PLPPR5: variants seen among roughly 807,000 people sequenced by gnomAD.
PLPPR5 encodes phospholipid phosphatase-related protein type 5.
In PLPPR5, 16 loss-of-function variants were observed where a neutral mutation model predicts 33.9. That is an observed-to-expected ratio of 0.47 (90% CI 0.32 to 0.72). PLPPR5 has a LOEUF of 0.72. PLPPR5 is among the 30% of genes least tolerant of loss of function. PLPPR5 has a pLI of 0.03. For synonymous variants in PLPPR5, 163 were observed against 150.3 expected (o/e 1.08, Z -0.62); for missense variants, 301 against 406.7 (o/e 0.74, Z 2.23).
Position 98,956,648 on chromosome 1 carries a change from A to T in PLPPR5, c.331T>A (p.Tyr111Asn). ...EKTILTGDCCYINPLVRRTVR... is the reference protein window; with the variant it reads ...EKTILTGDCCNINPLVRRTVR... ...GTTCGGCGCACCAGCGGGTTTATAT[A>T]GCAACAGTCTCCAGTTAAAATAGTT... The change falls in exon 2 of 6, where the codon TAT becomes AAT. Residue 111 changes from tyrosine (Y) to asparagine (N), a missense_variant. Transcript: ENST00000263177. 1 of 1,602,420 alleles carries T rather than the reference A, an allele frequency of 6.2e-7. No homozygotes were observed. The highest frequency in any genetic ancestry group is 8.5e-7 in the Non-Finnish European group (1 of 1,176,028).
At chr1:98,939,911 T>C (rs934621583) in intron 3 of PLPPR5, among the ~76,000 whole-genome samples, 39 of 151,912 alleles carry the variant, frequency 2.6e-4, no homozygotes, top group African/African-American at 8.9e-4. Context: ...CTATTATTTA[T>C]CGTAGAGAAC....
chr1:98,896,018 T>TA (rs1003791824), intron 5 of PLPPR5, among the ~76,000 whole-genome samples: 3 of 151,898 alleles, frequency 2.0e-5, no homozygotes, highest in Non-Finnish European at 4.4e-5. Context: ...TTTATCTCAG[T>TA]AGTTTTTTTT....
At chr1:98,986,222 C>A (rs1652259632) in intron 1 of PLPPR5, among the ~76,000 whole-genome samples, 1 of 151,698 alleles carries the variant, frequency 6.6e-6, no homozygotes, top group Non-Finnish European at 1.5e-5. Flanking sequence ...AGTATATATA[C>A]TTTGGCATCT....
At chr1:98,985,874 C>T (rs923639502) in intron 1 of PLPPR5, among the ~76,000 whole-genome samples, 2 of 151,978 alleles carry the variant, frequency 1.3e-5, no homozygotes, top group African/African-American at 4.8e-5. Flanking sequence ...GACAAAATCA[C>T]CTAACAATAC....
At chr1:98,983,221 A>G (rs979066770) in intron 1 of PLPPR5, among the ~76,000 whole-genome samples, 6 of 138,102 alleles carry the variant, frequency 4.3e-5, no homozygotes, top group East Asian at 4.6e-4. Context: ...ATATCTCCCA[A>G]TGCTATCCCT....
intron 3 of PLPPR5, among the ~76,000 whole-genome samples, chr1:98,945,229 A>C (rs1255072703): frequency 6.6e-6 from 1 of 152,230 alleles, no homozygotes; most frequent in Non-Finnish European, 1.5e-5. Flanking sequence ...ATATGCATTC[A>C]CTTAAAATTA....
chr1:98,892,701 G>C lies in PLPPR5; in HGVS notation c.*371C>G, dbSNP rs1204798418. The C allele has an allele frequency of 1.7e-5, 3 of 180,846 alleles. No individual in the cohort carries two copies. The highest frequency in any genetic ancestry group is 7.1e-5 in the African/African-American group (3 of 41,984). 11.2% of individuals were successfully genotyped at this position (180,846 alleles called of 1,614,324 possible). ...TTAAAAAAATAACTAGCCCAAAATA[G>C]AAGGTTTTCATACACAAATACGATT... On this transcript the variant is annotated 3_prime_UTR_variant, in exon 6 of 6. Coordinates refer to ENST00000263177, the MANE Select transcript of PLPPR5 (RefSeq NM_001037317.2).
At chr1:98,934,851 A>C (rs1458751504) in intron 3 of PLPPR5, among the ~76,000 whole-genome samples, 1 of 152,198 alleles carries the variant, frequency 6.6e-6, no homozygotes, top group Non-Finnish European at 1.5e-5. Flanking sequence ...AAATGAGGGA[A>C]CAGGAGAAGA....
chr1:98,991,052 A>G (rs1341255992), intron 1 of PLPPR5: 1 of 152,186 alleles, frequency 6.6e-6, no homozygotes, highest in Non-Finnish European at 1.5e-5. Flanking sequence ...TATAATGCAC[A>G]ACCATGTAGT....
chr1:98,923,324 T>C (rs557459027), intron 3 of PLPPR5, among the ~76,000 whole-genome samples: 1 of 152,356 alleles, frequency 6.6e-6, no homozygotes, highest in African/African-American at 2.4e-5. Flanking sequence ...TCAGATTTTA[T>C]GGTATAAACG....
chr1:98,896,482 T>C (rs750403134), intron 5 of PLPPR5, among the ~76,000 whole-genome samples: 1 of 152,118 alleles, frequency 6.6e-6, no homozygotes, highest in Non-Finnish European at 1.5e-5. Context: ...AAACTGGTCA[T>C]ATAATTTTTT....
chr1:98,942,433 G>A (rs577890879), intron 3 of PLPPR5, among the ~76,000 whole-genome samples: 13 of 152,270 alleles, frequency 8.5e-5, no homozygotes, highest in Middle Eastern at 3.4e-3. Context: ...ACTATATCAC[G>A]CTATTAATCT....
intron 5 of PLPPR5, among the ~76,000 whole-genome samples, chr1:98,907,218 T>TC (rs1648937121): frequency 6.6e-6 from 1 of 150,994 alleles, no homozygotes; most frequent in African/African-American, 2.4e-5. Context: ...TTTTTTTTTT[T>TC]TCTGATGAAG....
chr1:99,003,003 C>G (rs1652915056), intron 1 of PLPPR5, among the ~76,000 whole-genome samples: 1 of 142,576 alleles, frequency 7.0e-6, no homozygotes, highest in Non-Finnish European at 1.5e-5. Flanking sequence ...AAAGAGAACA[C>G]AAACATGAAG....
chr1:98,928,053 G>A (rs1442940506), intron 3 of PLPPR5, among the ~76,000 whole-genome samples: 1 of 152,004 alleles, frequency 6.6e-6, no homozygotes, highest in Admixed American at 6.6e-5. Context: ...TTTAACTACT[G>A]AAGCTAAACA....
chr1:98,930,061 G>A (rs1649908837), intron 3 of PLPPR5, among the ~76,000 whole-genome samples: 1 of 151,998 alleles, frequency 6.6e-6, no homozygotes, highest in Non-Finnish European at 1.5e-5. Context: ...TAGCAAGTAA[G>A]GAACTAAAAT....
At chr1:98,978,113 G>A (rs1384134676) in intron 1 of PLPPR5, among the ~76,000 whole-genome samples, 5 of 151,884 alleles carry the variant, frequency 3.3e-5, no homozygotes, top group Admixed American at 6.6e-5. Flanking sequence ...CTCTGGCATC[G>A]ACAATGATTA....
chr1:98,959,540 C>T (rs1177500685), intron 1 of PLPPR5, among the ~76,000 whole-genome samples: 2 of 152,202 alleles, frequency 1.3e-5, no homozygotes, highest in African/African-American at 2.4e-5. Flanking sequence ...ATCCAGGCAA[C>T]AGCTGTCACC....
At chr1:98,918,705 G>A (rs971990481) in intron 4 of PLPPR5, among the ~76,000 whole-genome samples, 4 of 152,142 alleles carry the variant, frequency 2.6e-5, no homozygotes, top group Admixed American at 2.6e-4. Flanking sequence ...AATCTCAAAT[G>A]TGTAAAGGGT....
Sources: allele counts gnomAD v4.1 joint callset (sites outside exome capture counted in the v4.1 genomes callset), GRCh38; gene constraint gnomAD v4.1.1; transcripts MANE v1.5; gene names NCBI Gene and HGNC (gene_info 2026-07-23, HGNC 2026-07-21).